The following CFH variants were observed in gnomAD, a reference collection of about 807,000 sequenced individuals.
CFH encodes H factor 1 (complement).
A neutral mutation model predicts 147.3 loss-of-function variants in CFH; 53 were observed. The observed-to-expected ratio is 0.36, with a 90% CI of 0.29 to 0.45. The LOEUF (loss-of-function observed/expected upper bound fraction) is 0.45, where lower values mean the gene tolerates loss of function less well. Ranked by LOEUF, CFH falls within the 20% of genes least tolerant of loss-of-function variation. The probability of loss-of-function intolerance (pLI) is 1.00; values close to 1 mark genes in which losing one functional copy is unlikely to be tolerated. For synonymous variants in CFH, 536 were observed against 489.4 expected (o/e 1.10, Z -1.26); for missense variants, 1,380 against 1,498.0 (o/e 0.92, Z 1.30).
At chr1:196,669,921 G>T (rs1443804301) in intron 1 of CFH, among the ~76,000 whole-genome samples, 1 of 152,180 alleles carries the variant, frequency 6.6e-6, no homozygotes, top group African/African-American at 2.4e-5. Flanking sequence ...CAGGGCAGGG[G>T]GCCATACCTT....
intron 7 of CFH, among the ~76,000 whole-genome samples, chr1:196,685,996 A>G (rs1231572413): frequency 1.3e-5 from 2 of 152,114 alleles, no homozygotes; most frequent in Admixed American, 1.3e-4. Flanking sequence ...GAAACTTACA[A>G]TCATGGTGGA....
At chr1:196,710,019 AAC>A (rs377373251) in intron 9 of CFH, among the ~76,000 whole-genome samples, 10 of 132,752 alleles carry the variant, frequency 7.5e-5, no homozygotes, top group Non-Finnish European at 1.1e-4. Flanking sequence ...TCAAAAACAA[AAC>A]ACACACACAC....
At chr1:196,701,534 T>A in intron 9 of CFH, 1 of 646,760 alleles carries the variant, frequency 1.5e-6, no homozygotes, top group Non-Finnish European at 2.6e-6. Flanking sequence ...GGCTGGTGGC[T>A]TTGAGATTAT....
At chr1:196,696,887 A>G (rs1009668895) in intron 9 of CFH, among the ~76,000 whole-genome samples, 2 of 152,212 alleles carry the variant, frequency 1.3e-5, no homozygotes, top group South Asian at 4.1e-4. Context: ...CAAACCTGAG[A>G]AAAACAAGAA....
intron 1 of CFH, among the ~76,000 whole-genome samples, chr1:196,669,781 G>T (rs1013506830): frequency 2.0e-5 from 3 of 152,216 alleles, no homozygotes; most frequent in African/African-American, 7.2e-5. Flanking sequence ...GGTCCCAGTG[G>T]GGCACTACCT....
intron 9 of CFH, among the ~76,000 whole-genome samples, chr1:196,701,811 C>T (rs1178765017): frequency 6.6e-6 from 1 of 152,120 alleles, no homozygotes; most frequent in East Asian, 1.9e-4. Context: ...TGATGGGCTG[C>T]ATCTTCCAAA....
intron 4 of CFH, 112 bp downstream of exon 4, chr1:196,676,177 T>C: frequency 1.5e-6 from 1 of 658,898 alleles, no homozygotes; most frequent in Non-Finnish European, 2.4e-6. Flanking sequence ...TTAATGTTTT[T>C]TTTTCTCATA....
Position 196,730,023 on chromosome 1 carries a change from TA to T in CFH, c.2413+1510del, listed in dbSNP as rs891063884. ...AAAGCTTTGTCAATTTTTGATTATC[TA>T]AAAAAAAACTATTTTCATTGATATT... On this transcript the variant is annotated intron_variant, in intron 15 of 21. Transcript: ENST00000367429. 8.6e-5 allele frequency among the ~76,000 whole-genome samples: 13 copies of T among 151,108 alleles called. No homozygotes were observed. In the South Asian group the frequency reaches 1.7e-3, roughly 19 times the overall value.
At chr1:196,697,426 T>C (rs1034153808) in intron 9 of CFH, among the ~76,000 whole-genome samples, 4 of 152,134 alleles carry the variant, frequency 2.6e-5, no homozygotes, top group African/African-American at 7.2e-5. Flanking sequence ...CACTGGTCAT[T>C]AGAGAAATGC....
intron 20 of CFH, among the ~76,000 whole-genome samples, chr1:196,745,524 C>G (rs1652969933): frequency 1.3e-5 from 2 of 152,118 alleles, no homozygotes; most frequent in South Asian, 4.1e-4. Flanking sequence ...CTTCCTTTGT[C>G]ATAGTTTTCT....
intron 21 of CFH, 138 bp from the exon 22 acceptor site, chr1:196,746,973 G>A: frequency 1.4e-6 from 2 of 1,432,322 alleles, no homozygotes; most frequent in East Asian, 2.5e-5. Flanking sequence ...TCAATATGAT[G>A]TTTCTACATA....
rs757654697 is a variant in CFH at position 196,685,080 on chromosome 1, T to C, written c.807T>C (p.Asn269=). The change falls in exon 7 of 22, where the codon AAT becomes AAC. Residue 269 remains asparagine, a synonymous_variant. Transcript: ENST00000367429. ...LPSCEEKSCD[N]PYIPNGDYSP... is the part of the protein sequence containing the mutation. Reference sequence around the variant, plus strand: ...TCTTTTCAGAAAAATCATGTGATAATCCTTATATTCCAAATGGTGACTACT... The same window carrying C: ...TCTTTTCAGAAAAATCATGTGATAACCCTTATATTCCAAATGGTGACTACT... 4.4e-5 allele frequency: 71 copies of C among 1,609,790 alleles called. No individual in the cohort carries two copies. The highest frequency in any genetic ancestry group is 5.4e-5 in the Non-Finnish European group (64 of 1,176,516).
chr1:196,736,000 C>G (rs1669393581), intron 15 of CFH, among the ~76,000 whole-genome samples: 1 of 151,896 alleles, frequency 6.6e-6, no homozygotes, highest in South Asian at 2.1e-4. Flanking sequence ...AAAGGAAAAT[C>G]AAGGGATTAT....
At position 196,721,522 on chromosome 1, in the gene CFH, A is replaced by G. The variant is rs1220963862; in HGVS notation, c.1697-3599A>G. On this transcript the variant is annotated intron_variant, in intron 11 of 21. Transcript: ENST00000367429. ...TTCCATGCACAGGTGAGAAAAACATATATTCTGAGGTTGTTGGGTGGAATG... is the reference window on the plus strand; with the variant it reads ...TTCCATGCACAGGTGAGAAAAACATGTATTCTGAGGTTGTTGGGTGGAATG... Among the ~76,000 whole-genome samples the G allele has an allele frequency of 5.3e-5, 8 of 152,032 alleles. No individual in the cohort carries two copies. The East Asian group carries it at 7.7e-4, about 15-fold the overall frequency.
intron 21 of CFH, among the ~76,000 whole-genome samples, chr1:196,746,386 G>A (rs560408180): frequency 1.3e-5 from 2 of 152,178 alleles, no homozygotes; most frequent in Non-Finnish European, 2.9e-5. Context: ...GGGAGGCGGA[G>A]GTTGCAGTGA....
intron 10 of CFH, among the ~76,000 whole-genome samples, chr1:196,714,768 T>C (rs1668828221): frequency 1.4e-5 from 2 of 145,288 alleles, no homozygotes; most frequent in African/African-American, 2.6e-5. Context: ...TGGCATGATC[T>C]TGGCTCACTG....
chr1:196,700,727 A>G (rs1668426631), intron 9 of CFH: 5 of 566,044 alleles, frequency 8.8e-6, no homozygotes, highest in Non-Finnish European at 8.9e-6. Context: ...CCTACAGTCC[A>G]GTGCCCCCAT....
At chr1:196,722,322 T>C (rs1175877945) in intron 11 of CFH, among the ~76,000 whole-genome samples, 2 of 152,096 alleles carry the variant, frequency 1.3e-5, no homozygotes, top group Non-Finnish European at 2.9e-5. Context: ...ATTTATGAAG[T>C]TTAGTTTAGC....
Position 196,674,417 on chromosome 1 carries a change from C to T in CFH, c.350+455C>T, listed in dbSNP as rs974661699. Among the ~76,000 whole-genome samples the T allele has an allele frequency of 7.2e-5, 11 of 152,058 alleles. 1 individual carries two copies. Among genetic ancestry groups the T allele is most frequent in the Admixed American group, 6.5e-4 (10 of 15,270 alleles). ...ACTTACAACTAAGGTTACTTAATGT[C>T]CCAGGTCTGCAAATTATTCTTACCA... On this transcript the variant is annotated intron_variant, in intron 3 of 21. Coordinates refer to ENST00000367429, the MANE Select transcript of CFH (RefSeq NM_000186.4).
Sources: allele counts gnomAD v4.1 joint callset (sites outside exome capture counted in the v4.1 genomes callset), GRCh38; gene constraint gnomAD v4.1.1; transcripts MANE v1.5; gene names NCBI Gene and HGNC (gene_info 2026-07-23, HGNC 2026-07-21).